The following WNT7B variants were observed in gnomAD, a reference collection of about 807,000 sequenced individuals.
WNT7B encodes the protein Wnt family member 7B.
A neutral mutation model predicts 38.2 loss-of-function variants in WNT7B; 19 were observed. That is an observed-to-expected ratio of 0.50 (90% CI 0.35 to 0.73). The LOEUF (loss-of-function observed/expected upper bound fraction) is 0.73, where lower values mean the gene tolerates loss of function less well. Ranked by LOEUF, WNT7B falls within the 30% of genes least tolerant of loss-of-function variation. WNT7B has a pLI of 0.01. For missense variants in WNT7B, 423 were observed against 507.9 expected, an observed-to-expected ratio of 0.83 and a Z score of 1.61; for synonymous variants, 243 against 209.3, an observed-to-expected ratio of 1.16 and a Z score of -1.39.
In WNT7B at chr22:45,931,241, G is replaced by GGTT; in HGVS notation, c.424_426dup (p.Asn142dup). On this transcript the variant is annotated inframe_insertion, in exon 3 of 4. Coordinates refer to ENST00000339464, the MANE Select transcript of WNT7B (RefSeq NM_058238.3). Reference sequence around the variant, plus strand: ...CCGCCCCACTTCCAGCCCTCGGCTTGGTTGTAGTAGCCCTGCTTCTCGCGG... The same window carrying GGTT: ...CCGCCCCACTTCCAGCCCTCGGCTTGGTTGTTGTAGTAGCCCTGCTTCTCGCGG... The GGTT allele has an allele frequency of 6.3e-7, 1 of 1,599,272 alleles. No homozygotes were observed. The highest frequency in any genetic ancestry group is 8.5e-7 in the Non-Finnish European group (1 of 1,179,844).
chr22:45,929,780 C>G (rs1031896857), intron 3 of WNT7B, among the ~76,000 whole-genome samples: 33 of 134,610 alleles, frequency 2.5e-4, no homozygotes, highest in African/African-American at 9.0e-4. Flanking sequence ...ATCCTTCCAT[C>G]CACCCACCGA....
intron 3 of WNT7B, chr22:45,925,690 C>T (rs1320187864): frequency 2.6e-5 from 26 of 985,052 alleles, no homozygotes; most frequent in Non-Finnish European, 3.0e-5. Flanking sequence ...TGGAAGTGTC[C>T]CTGGCCCTGG....
chr22:45,927,267 G>T (rs1188860278), intron 3 of WNT7B: 5 of 985,404 alleles, frequency 5.1e-6, no homozygotes, highest in Non-Finnish European at 6.0e-6. Flanking sequence ...TTTCCGCACA[G>T]GCACCCTGCG....
At chr22:45,952,804 C>A (rs10448601) in intron 1 of WNT7B, among the ~76,000 whole-genome samples, 34,901 of 152,158 alleles carry the variant, frequency 0.23, 4,483 homozygotes, top group South Asian at 0.43. Context: ...CCTGCCAGCA[C>A]CCGGATCTGA....
chr22:45,957,682 C>CAAAAAAAAAAAAAAAAA lies in WNT7B; in HGVS notation c.72-7553_72-7537dup, dbSNP rs367797133. On this transcript the variant is annotated intron_variant, in intron 1 of 3. Coordinates refer to ENST00000339464, the MANE Select transcript of WNT7B (RefSeq NM_058238.3). ...TGCGTGAGGGAGCAAGACTCCGTCTCAAAAAAAAAAAAAAAAAAAAAAAAA... is the reference window on the plus strand; with the variant it reads ...TGCGTGAGGGAGCAAGACTCCGTCTCAAAAAAAAAAAAAAAAAAAAAAAAAAAAAAAAAAAAAAAAAA... 9.7e-4 allele frequency among the ~76,000 whole-genome samples: 35 copies of CAAAAAAAAAAAAAAAAA among 36,010 alleles called. 3 individuals carry two copies. Among genetic ancestry groups the CAAAAAAAAAAAAAAAAA allele is most frequent in the African/African-American group, 1.6e-3 (17 of 10,450 alleles). The allele number at this position is 36,010 out of a possible 152,430, so 23.6% of individuals were successfully genotyped here. A position where few individuals can be genotyped will look rare whatever the true frequency, so the allele number is the denominator to read the frequency against.
Position 45,976,498 on chromosome 22 carries a change from G to C in WNT7B, c.71+186C>G, listed in dbSNP as rs1452670404. Among the ~76,000 whole-genome samples, 2 of 151,868 alleles carry C rather than the reference G, an allele frequency of 1.3e-5. No individual in the cohort carries two copies. Among genetic ancestry groups the C allele is most frequent in the Non-Finnish European group, 2.9e-5 (2 of 67,924 alleles). On this transcript the variant is annotated intron_variant, in intron 1 of 3. Transcript: ENST00000339464. The surrounding 1 kb of genome is among the most constrained non-coding windows in gnomAD (Gnocchi z 8.5). ...CCGCGCTGGGCTCGGCGCCTCTCGG[G>C]AGCTCAGGGGGTTGGGCTGCGTCTC...
Position 45,976,888 on chromosome 22 carries a change from C to A in WNT7B, c.-134G>T. On this transcript the variant is annotated 5_prime_UTR_variant, in exon 1 of 4. Transcript: ENST00000339464. This position sits in a 1 kb window ranked among gnomAD's most constrained non-coding sequence, Gnocchi z 8.5. ...GCGCTGCGGCTCGGGCGGCCGGCGA[C>A]GCGCGGGCACTCGGCGCGCGCTGCC... The A allele has an allele frequency of 9.9e-7, 1 of 1,005,758 alleles. No homozygotes were observed. Among genetic ancestry groups the A allele is most frequent in the Non-Finnish European group, 1.2e-6 (1 of 841,384 alleles). The allele number at this position is 1,005,758 out of a possible 1,614,324, so 62.3% of individuals were successfully genotyped here. A position where few individuals can be genotyped will look rare whatever the true frequency, so the allele number is the denominator to read the frequency against.
Position 45,950,124 on chromosome 22 carries a change from G to C in WNT7B, c.94C>G (p.Leu32Val), listed in dbSNP as rs1479585441. Residue 32 changes from leucine to valine, a missense_variant, in exon 2 of 4, where the codon CTG becomes GTG. By Grantham distance (32) the Leu-to-Val change is conservative. Coordinates refer to ENST00000339464, the MANE Select transcript of WNT7B (RefSeq NM_058238.3). ...KLGALSSVVA[L>V]GANIICNKIP... ...TTGTTGCAGATGATGTTGGCTCCCA[G>C]GGCCACCACGGATGACAGTGCTCTG... 6.2e-7 allele frequency: 1 copy of C among 1,613,914 alleles called. No homozygotes were observed.
intron 1 of WNT7B, among the ~76,000 whole-genome samples, chr22:45,959,760 G>A (rs1314598815): frequency 6.6e-6 from 1 of 152,096 alleles, no homozygotes; most frequent in Non-Finnish European, 1.5e-5. Flanking sequence ...AGCAGCCCTA[G>A]TGCTGCCTAC....
chr22:45,969,688 G>C (rs1021889363), intron 1 of WNT7B, among the ~76,000 whole-genome samples: 8 of 152,228 alleles, frequency 5.3e-5, no homozygotes. Context: ...TCTGGGATTC[G>C]GTGTGCACCG....
At chr22:45,972,446 G>A in intron 1 of WNT7B, 1 of 225,636 alleles carries the variant, frequency 4.4e-6, no homozygotes, top group Non-Finnish European at 8.6e-6. Context: ...GGCGGGAGCT[G>A]GGGCTGGAGT....
In WNT7B at chr22:45,923,258, G is replaced by T. The variant is rs1039488640; in HGVS notation, c.648C>A (p.Thr216=). ...CCACCTCTCGGAACTTGGGCAGCGTGGTCCAGCAGGTTTTGGTGGTGCAGG... is the reference window on the plus strand; with the variant it reads ...CCACCTCTCGGAACTTGGGCAGCGTTGTCCAGCAGGTTTTGGTGGTGCAGG... The part of the protein sequence containing the change: ...SGSCTTKTCW[T]TLPKFREVGH... The change falls in exon 4 of 4, where the codon ACC becomes ACA. Residue 216 remains threonine, a synonymous_variant. Coordinates refer to ENST00000339464, the MANE Select transcript of WNT7B (RefSeq NM_058238.3). 12 of 1,613,614 alleles carry T rather than the reference G, an allele frequency of 7.4e-6. No homozygotes were observed. The East Asian group carries it at 2.7e-4, about 36-fold the overall frequency.
intron 1 of WNT7B, among the ~76,000 whole-genome samples, chr22:45,969,178 TGGCCTGGC>T (rs1932376204): frequency 6.6e-6 from 1 of 152,140 alleles, no homozygotes; most frequent in African/African-American, 2.4e-5. Flanking sequence ...GGAAGAGGCC[TGGCCTGGC>T]GGGGCCGTGG....
chr22:45,964,391 G>A (rs761223145), intron 1 of WNT7B, among the ~76,000 whole-genome samples: 5 of 152,134 alleles, frequency 3.3e-5, no homozygotes, highest in African/African-American at 4.8e-5. Context: ...AAGCGCTTCA[G>A]CCCACAGGAG....
intron 3 of WNT7B, among the ~76,000 whole-genome samples, chr22:45,928,634 T>C (rs80091614): frequency 4.5e-4 from 68 of 151,928 alleles, no homozygotes; most frequent in Non-Finnish European, 5.3e-4. Context: ...CCACCTCCTG[T>C]CTCCATTTCC....
In WNT7B at chr22:45,921,639, G is replaced by A. The variant is rs1392755870; in HGVS notation, c.*1217C>T. The A allele has an allele frequency of 1.3e-5, 2 of 152,240 alleles. No individual in the cohort carries two copies. The highest frequency in any genetic ancestry group is 4.8e-5 in the African/African-American group (2 of 41,442). The allele number at this position is 152,240 out of a possible 1,614,324, so 9.4% of individuals were successfully genotyped here. Reference sequence around the variant, plus strand: ...CAGCACTGTCCCAGGGGTCAGGCTGGCTCCAGGGGGAAGGGGGTCTCTGTA... The same window carrying A: ...CAGCACTGTCCCAGGGGTCAGGCTGACTCCAGGGGGAAGGGGGTCTCTGTA... On this transcript the variant is annotated 3_prime_UTR_variant, in exon 4 of 4. Transcript: ENST00000339464.
At chr22:45,934,484 C>T (rs1021379907) in intron 2 of WNT7B, among the ~76,000 whole-genome samples, 3 of 152,250 alleles carry the variant, frequency 2.0e-5, no homozygotes, top group Non-Finnish European at 4.4e-5. Context: ...ATTGTGCGGG[C>T]CCAGCCGGTG....
intron 3 of WNT7B, chr22:45,926,611 C>G (rs1416840437): frequency 1.0e-6 from 1 of 985,416 alleles, no homozygotes; most frequent in Non-Finnish European, 1.2e-6. Context: ...GCACCTCACC[C>G]TGGATCCTGG....
At chr22:45,934,446 G>A (rs752725917) in intron 2 of WNT7B, among the ~76,000 whole-genome samples, 11 of 152,172 alleles carry the variant, frequency 7.2e-5, no homozygotes, top group Middle Eastern at 3.2e-3. Context: ...TGTGTCACCC[G>A]ATGGAGGGGG....
Sources: gnomAD v4.1 joint callset for allele counts (sites outside exome capture counted in the v4.1 genomes callset) on GRCh38, gnomAD v4.1.1 for gene constraint, Gnocchi (gnomAD v3.1) non-coding constraint, MANE v1.5 for transcripts, NCBI Gene and HGNC (gene_info 2026-07-23, HGNC 2026-07-21) for gene names.